LRMDA: variants seen among roughly 807,000 people sequenced by gnomAD.
The protein encoded by LRMDA is leucine-rich melanocyte differentiation-associated protein.
In LRMDA, 18 loss-of-function variants were observed where a neutral mutation model predicts 29.8. The observed-to-expected ratio is 0.60, with a 90% confidence interval of 0.42 to 0.90. The LOEUF (loss-of-function observed/expected upper bound fraction) is 0.90, where lower values mean the gene tolerates loss of function less well. Ranked by LOEUF, LRMDA falls within the 40% of genes least tolerant of loss-of-function variation. The probability of loss-of-function intolerance (pLI) is 0.00; values close to 1 mark genes in which losing one functional copy is unlikely to be tolerated. For missense variants in LRMDA, 273 were observed against 273.9 expected, an observed-to-expected ratio of 1.00 and a Z score of 0.02; for synonymous variants, 125 against 109.4, an observed-to-expected ratio of 1.14 and a Z score of -0.89.
At chr10:75,919,788 T>C (rs1278789583) in intron 2 of LRMDA, among the ~76,000 whole-genome samples, 2 of 152,206 alleles carry the variant, frequency 1.3e-5, no homozygotes, top group Non-Finnish European at 2.9e-5. Flanking sequence ...CTCCCTGGGA[T>C]GTGCCACCTG....
intron 6 of LRMDA, among the ~76,000 whole-genome samples, chr10:76,457,422 G>A (rs780672282): frequency 5.9e-5 from 9 of 152,160 alleles, no homozygotes; most frequent in Non-Finnish European, 1.2e-4. Context: ...GGTTGAACAA[G>A]GTGACACTGC....
At chr10:76,325,380 G>A (rs1039821611) in intron 6 of LRMDA, among the ~76,000 whole-genome samples, 4 of 152,184 alleles carry the variant, frequency 2.6e-5, no homozygotes, top group African/African-American at 9.7e-5. Flanking sequence ...CCTGTTTGGT[G>A]TTTGGGCATC....
At chr10:75,616,230 A>G (rs59936927) in intron 2 of LRMDA, among the ~76,000 whole-genome samples, 14,244 of 149,110 alleles carry the variant, frequency 0.096, 2,157 homozygotes, top group African/African-American at 0.34. Context: ...GAGAACAGTA[A>G]TAGTAGCAGT....
At chr10:76,352,343 TTC>T (rs1184488801) in intron 6 of LRMDA, among the ~76,000 whole-genome samples, 2 of 152,174 alleles carry the variant, frequency 1.3e-5, no homozygotes, top group African/African-American at 4.8e-5. Context: ...TATAAGAATA[TTC>T]CAGCATCACT....
At chr10:75,639,536 T>C (rs1841426716) in intron 2 of LRMDA, among the ~76,000 whole-genome samples, 1 of 152,140 alleles carries the variant, frequency 6.6e-6, no homozygotes, top group South Asian at 2.1e-4. Context: ...ACATGTTGAG[T>C]GCTCCAGAAC....
intron 6 of LRMDA, among the ~76,000 whole-genome samples, chr10:76,428,033 A>G (rs1250552748): frequency 1.3e-5 from 2 of 152,108 alleles, no homozygotes; most frequent in East Asian, 3.9e-4. Flanking sequence ...TTTTTGCATC[A>G]ATGTTCATCA....
chr10:76,090,326 T>G (rs748478147), intron 5 of LRMDA, among the ~76,000 whole-genome samples: 5 of 152,144 alleles, frequency 3.3e-5, no homozygotes, highest in Non-Finnish European at 5.9e-5. Context: ...GGGTTGGGGA[T>G]GTGTGGTTTT....
chr10:76,342,490 A>G lies in LRMDA; in HGVS notation c.601+18005A>G, dbSNP rs531655541. On this transcript the variant is annotated intron_variant, in intron 6 of 6. Transcript: ENST00000611255. Reference sequence around the variant, plus strand: ...CTGACTCAAAAACAATATCAGCCTCATAAATCAAAGGAAAGTGGAAGGGAG... The same window carrying G: ...CTGACTCAAAAACAATATCAGCCTCGTAAATCAAAGGAAAGTGGAAGGGAG... Among the ~76,000 whole-genome samples the G allele has an allele frequency of 7.2e-4, 110 of 152,182 alleles. 1 individual carries two copies. Among genetic ancestry groups the G allele is most frequent in the Middle Eastern group, 6.8e-3 (2 of 294 alleles).
chr10:75,503,289 T>C (rs1371621325), intron 2 of LRMDA, among the ~76,000 whole-genome samples: 1 of 152,162 alleles, frequency 6.6e-6, no homozygotes, highest in Non-Finnish European at 1.5e-5. Context: ...GGAAATTTCA[T>C]TGGCTTCTTC....
chr10:75,924,645 A>C (rs1321710596), intron 2 of LRMDA, among the ~76,000 whole-genome samples: 1 of 152,092 alleles, frequency 6.6e-6, no homozygotes, highest in Non-Finnish European at 1.5e-5. Flanking sequence ...AAGTGGCTTT[A>C]ATACCCTGAA....
intron 2 of LRMDA, among the ~76,000 whole-genome samples, chr10:75,863,555 A>G (rs2132324489): frequency 6.6e-6 from 1 of 152,324 alleles, no homozygotes; most frequent in East Asian, 1.9e-4. Context: ...CAAGGTATTT[A>G]CCGCTCTGTG....
intron 2 of LRMDA, among the ~76,000 whole-genome samples, chr10:75,794,092 G>T (rs1472717630): frequency 6.6e-6 from 1 of 152,194 alleles, no homozygotes; most frequent in Non-Finnish European, 1.5e-5. Flanking sequence ...AGGCACTATG[G>T]TTTGGGGGCT....
At chr10:76,449,090 T>C (rs1842380898) in intron 6 of LRMDA, among the ~76,000 whole-genome samples, 1 of 151,916 alleles carries the variant, frequency 6.6e-6, no homozygotes, top group Non-Finnish European at 1.5e-5. Context: ...ACTAAATGAA[T>C]TGACAAATTT....
At chr10:75,447,620 C>G (rs111869519) in intron 2 of LRMDA, among the ~76,000 whole-genome samples, 4,344 of 152,228 alleles carry the variant, frequency 0.029, 189 homozygotes, top group African/African-American at 0.098. Context: ...TCAAAACAGT[C>G]TGACTAGCTT....
In LRMDA at chr10:76,214,501, C is replaced by T. The variant is rs561394330; in HGVS notation, c.517-109900C>T. ...CTGGGACTACAGGCGCCCACCACCG[C>T]GCCCGGCTAATTTTTTGTATTTTTA... On this transcript the variant is annotated intron_variant, in intron 5 of 6. Coordinates refer to ENST00000611255, the MANE Select transcript of LRMDA (RefSeq NM_001305581.2). Among the ~76,000 whole-genome samples the T allele has an allele frequency of 2.6e-4, 39 of 150,970 alleles. No individual in the cohort carries two copies. In the South Asian group the frequency reaches 6.4e-3, roughly 25 times the overall value.
chr10:75,789,697 C>T (rs540459037), intron 2 of LRMDA, among the ~76,000 whole-genome samples: 2 of 152,100 alleles, frequency 1.3e-5, no homozygotes, highest in Admixed American at 6.5e-5. Flanking sequence ...TTTTCTCTCC[C>T]AACTATATTG....
chr10:75,435,814 C>T (rs1181080276), intron 1 of LRMDA, among the ~76,000 whole-genome samples: 3 of 152,150 alleles, frequency 2.0e-5, no homozygotes, highest in African/African-American at 7.2e-5. Context: ...TAACACTCTT[C>T]TTGGGTCCTC....
At chr10:76,396,657 A>G (rs1435005736) in intron 6 of LRMDA, 1 of 152,168 alleles carries the variant, frequency 6.6e-6, no homozygotes, top group East Asian at 1.9e-4. Context: ...TCCTCTCCGC[A>G]CCACTAGAAC....
chr10:76,074,075 G>C (rs1232506529), intron 5 of LRMDA, among the ~76,000 whole-genome samples: 1 of 152,176 alleles, frequency 6.6e-6, no homozygotes, highest in Non-Finnish European at 1.5e-5. Context: ...GAAAAAAAGA[G>C]AAAAGAAGAT....
Sources: allele counts gnomAD v4.1 joint callset (sites outside exome capture counted in the v4.1 genomes callset), GRCh38; gene constraint gnomAD v4.1.1; transcripts MANE v1.5; gene names NCBI Gene and HGNC (gene_info 2026-07-23, HGNC 2026-07-21).